Variants in PARP4 observed in about 807,000 individuals in gnomAD.
PARP4 encodes the protein poly(ADP-ribose) polymerase family member 4.
PARP4 carries 120 observed loss-of-function variants against 187.7 expected under a neutral mutation model. The ratio of observed to expected loss-of-function variants is 0.64; its 90% CI spans 0.55 to 0.74. PARP4 has a LOEUF of 0.74. Among genes scored for constraint, PARP4 ranks in the 30% least tolerant of loss-of-function variants. The pLI is 0.00. For missense variants in PARP4, 1,836 were observed against 2,070.5 expected, an observed-to-expected ratio of 0.89 and a Z score of 2.20; for synonymous variants, 654 against 740.9, an observed-to-expected ratio of 0.88 and a Z score of 1.90.
chr13:24,447,071 G>C lies in PARP4; in HGVS notation c.3230C>G (p.Ser1077Cys). The C allele has an allele frequency of 1.2e-6, 2 of 1,610,234 alleles. No homozygotes were observed. Among genetic ancestry groups the C allele is most frequent in the Non-Finnish European group, 1.7e-6 (2 of 1,177,720 alleles). Residue 1077 changes from serine (S) to cysteine (C), a missense_variant, in exon 26 of 34, where the codon TCC (serine) becomes TGC (cysteine). Physicochemically the swap from Ser to Cys is moderately radical, Grantham distance 112. Around this residue, in one of 8 missense-constraint regions of PARP4, gnomAD observed 56 missense variants for 103.7 expected, o/e 0.54. Transcript: ENST00000381989. ...EALQAPAQVP[S>C]LFLNDRLLVY... Reference sequence around the variant, plus strand: ...AAGGAGTCGATCATTGAGAAACAAGGACGGCACCTGGGCTGGGGCCTGCAG... The same window carrying C: ...AAGGAGTCGATCATTGAGAAACAAGCACGGCACCTGGGCTGGGGCCTGCAG...
chr13:24,497,376 G>A (rs1018637061), intron 6 of PARP4, among the ~76,000 whole-genome samples: 1 of 152,128 alleles, frequency 6.6e-6, no homozygotes, highest in African/African-American at 2.4e-5. Flanking sequence ...TTTTATCTTT[G>A]AGTGTCAGCC....
chr13:24,497,043 A>G (rs994746291), intron 6 of PARP4, among the ~76,000 whole-genome samples: 2 of 152,208 alleles, frequency 1.3e-5, no homozygotes, highest in Admixed American at 6.5e-5. Flanking sequence ...AAGAAAAAAA[A>G]AGATAGATCT....
At chr13:24,422,617 A>AT (rs899545577) in intron 33 of PARP4, among the ~76,000 whole-genome samples, 61 of 149,172 alleles carry the variant, frequency 4.1e-4, no homozygotes, top group African/African-American at 9.5e-4. Flanking sequence ...AAAATATTTA[A>AT]TTTTTTTTTT....
intron 15 of PARP4, among the ~76,000 whole-genome samples, chr13:24,474,393 G>A (rs1326015019): frequency 1.7e-5 from 2 of 119,602 alleles, no homozygotes; most frequent in Admixed American, 8.7e-5. Context: ...TGTCACCTGT[G>A]GGGCGCCTCC....
chr13:24,462,993 A>C (rs1247732184), intron 17 of PARP4, among the ~76,000 whole-genome samples: 5 of 152,224 alleles, frequency 3.3e-5, no homozygotes, highest in African/African-American at 7.2e-5. Context: ...ATAAAGATCA[A>C]GACTGTCCCA....
chr13:24,421,340 T>C (rs1347942715), intron 33 of PARP4, 26 bp from the exon 34 acceptor site: 1 of 1,026,298 alleles, frequency 9.7e-7, no homozygotes, highest in Admixed American at 3.0e-5. Context: ...AAGTTTCAGA[T>C]TTCAGAATAT....
intron 17 of PARP4, among the ~76,000 whole-genome samples, chr13:24,462,606 A>G (rs1872262511): frequency 6.6e-6 from 1 of 152,252 alleles, no homozygotes; most frequent in Non-Finnish European, 1.5e-5. Flanking sequence ...AGAGATGACC[A>G]TGACACTGCA....
chr13:24,501,960 GA>G, intron 2 of PARP4, 126 bp from the exon 3 acceptor site: 1 of 618,464 alleles, frequency 1.6e-6, no homozygotes, highest in Non-Finnish European at 2.8e-6. Flanking sequence ...CTCAAATTTC[GA>G]AAAACCTCTA....
intron 5 of PARP4, 74 bp from the exon 6 acceptor site, chr13:24,498,303 A>AT: frequency 1.3e-6 from 1 of 799,820 alleles, no homozygotes; most frequent in South Asian, 1.6e-5. Flanking sequence ...GAAAATGTTG[A>AT]TTATAATTAT....
chr13:24,435,500 G>A (rs377675221), intron 30 of PARP4, 26 bp from the exon 31 acceptor site: 31 of 1,540,074 alleles, frequency 2.0e-5, no homozygotes, highest in East Asian at 1.1e-4. Context: ...AATTATTAAC[G>A]TAAGGGGAAA....
chr13:24,488,124 C>T (rs4770698), intron 10 of PARP4, among the ~76,000 whole-genome samples: 79,653 of 145,560 alleles, frequency 0.55, 20,622 homozygotes, highest in South Asian at 0.66. Flanking sequence ...GGGGGTGGGG[C>T]GGCTCGCCAA....
chr13:24,492,849 G>A (rs9318598), intron 8 of PARP4, among the ~76,000 whole-genome samples: 14,946 of 152,156 alleles, frequency 0.098, 809 homozygotes, highest in Non-Finnish European at 0.12. Flanking sequence ...ATACATATGT[G>A]GACACATCTA....
At chr13:24,460,249 C>T (rs1872142732) in intron 17 of PARP4, 113 bp from the exon 18 acceptor site, 1 of 855,106 alleles carries the variant, frequency 1.2e-6, no homozygotes, top group Admixed American at 2.4e-5. Context: ...AATTCTTCCT[C>T]AGAAAACAGT....
At chr13:24,452,112 A>C (rs908424386) in intron 24 of PARP4, 2 of 290,816 alleles carry the variant, frequency 6.9e-6, no homozygotes, top group Non-Finnish European at 1.3e-5. Flanking sequence ...AGTGCTTTCT[A>C]TGTATGAGCT....
chr13:24,479,100 T>C (rs1414392283), intron 12 of PARP4, among the ~76,000 whole-genome samples: 1 of 152,212 alleles, frequency 6.6e-6, no homozygotes, highest in Non-Finnish European at 1.5e-5. Flanking sequence ...TTATCTTTCT[T>C]TGGGAATCAG....
In PARP4 at chr13:24,425,567, G is replaced by GTATATCTATA. The variant is rs573054189; in HGVS notation, c.4979+898_4979+899insTATAGATATA. Among the ~76,000 whole-genome samples, 693 of 142,318 alleles carry GTATATCTATA rather than the reference G, an allele frequency of 4.9e-3. 6 individuals carry two copies. Among genetic ancestry groups the GTATATCTATA allele is most frequent in the Middle Eastern group, 0.014 (4 of 286 alleles). The allele number at this position is 142,318 out of a possible 152,430, so 93.4% of individuals were successfully genotyped here. A position where few individuals can be genotyped will look rare whatever the true frequency, so the allele number is the denominator to read the frequency against. On this transcript the variant is annotated intron_variant, in intron 33 of 33. Transcript: ENST00000381989. ...CATGTGTGTGTGTGTGTGTGTGTGT[G>GTATATCTATA]TGTATATCTATATCTATATCTATAT...
At chr13:24,497,435 G>GGAAT (rs1298360239) in intron 6 of PARP4, among the ~76,000 whole-genome samples, 2 of 152,138 alleles carry the variant, frequency 1.3e-5, no homozygotes, top group African/African-American at 4.8e-5. Context: ...GTATATCAGT[G>GGAAT]GAATGCTTTC....
At chr13:24,489,468 C>A (rs1293416782) in intron 10 of PARP4, among the ~76,000 whole-genome samples, 1 of 152,056 alleles carries the variant, frequency 6.6e-6, no homozygotes, top group East Asian at 1.9e-4. Flanking sequence ...ATTAGCCAGG[C>A]GTGGTGGCGT....
chr13:24,444,327 G>C (rs1269204616), intron 27 of PARP4, among the ~76,000 whole-genome samples: 15 of 152,304 alleles, frequency 9.8e-5, no homozygotes, highest in African/African-American at 3.4e-4. Context: ...TTCCCCCTTA[G>C]ATCTAATTTT....
Sources: allele counts gnomAD v4.1 joint callset (sites outside exome capture counted in the v4.1 genomes callset), GRCh38; gene constraint gnomAD v4.1.1; regional missense constraint gnomAD v4.1.1; transcripts MANE v1.5; gene names NCBI Gene and HGNC (gene_info 2026-07-23, HGNC 2026-07-21).